Variants in HMGCLL1 observed in about 807,000 individuals in gnomAD.
HMGCLL1 encodes 3-hydroxymethyl-3-methylglutaryl-CoA lyase, cytoplasmic.
HMGCLL1 carries 36 observed loss-of-function variants against 39.1 expected under a neutral mutation model. The ratio of observed to expected loss-of-function variants is 0.92; its 90% CI spans 0.71 to 1.22. The LOEUF is 1.22. Ranked by LOEUF, HMGCLL1 falls within the 50% of genes most tolerant of loss-of-function variation. The pLI, the probability that HMGCLL1 is intolerant of heterozygous loss-of-function variation, is 0.00. For missense variants in HMGCLL1, 451 were observed against 416.5 expected (o/e 1.08, Z -0.72); for synonymous variants, 149 against 144.0 (o/e 1.03, Z -0.25).
intron 3 of HMGCLL1, among the ~76,000 whole-genome samples, chr6:55,526,587 C>A (rs866661858): frequency 3.3e-5 from 5 of 151,950 alleles, no homozygotes; most frequent in Non-Finnish European, 5.9e-5. Context: ...TTCGAATTCA[C>A]TTTGAATTCA....
the HMGCLL1 span, among the ~76,000 whole-genome samples, chr6:55,660,789 A>G: frequency 0.044 from 6,708 of 151,978 alleles, 182 homozygotes; most frequent in Non-Finnish European, 0.055. Flanking sequence ...TCTTTGAGGA[A>G]TTGCCACATC....
intron 7 of HMGCLL1, among the ~76,000 whole-genome samples, chr6:55,486,369 G>A (rs1766028704): frequency 6.6e-6 from 1 of 151,930 alleles, no homozygotes; most frequent in African/African-American, 2.4e-5. Context: ...TTGGCAGGCA[G>A]GCCTTCCAGA....
chr6:55,671,876 A>G, the HMGCLL1 span, among the ~76,000 whole-genome samples: 19,447 of 151,806 alleles, frequency 0.13, 1,375 homozygotes, highest in East Asian at 0.23. Flanking sequence ...ATATTACACA[A>G]TATAATTTTT....
the HMGCLL1 span, among the ~76,000 whole-genome samples, chr6:55,599,900 C>T: frequency 2.2e-4 from 34 of 152,192 alleles, no homozygotes; most frequent in African/African-American, 7.9e-4. Flanking sequence ...TCTTCAAAGC[C>T]GAAGCTAAGC....
intron 7 of HMGCLL1, among the ~76,000 whole-genome samples, chr6:55,466,646 T>G (rs1764809403): frequency 6.6e-6 from 1 of 152,092 alleles, no homozygotes; most frequent in African/African-American, 2.4e-5. Flanking sequence ...GAGGTCCTAC[T>G]ACCTCTTAAA....
the HMGCLL1 span, among the ~76,000 whole-genome samples, chr6:55,653,136 C>A: frequency 1.3e-5 from 2 of 151,956 alleles, no homozygotes; most frequent in Non-Finnish European, 2.9e-5. Context: ...CTTTTCATTG[C>A]CATATTAAAG....
At chr6:55,545,173 T>C (rs9396106) in intron 1 of HMGCLL1, among the ~76,000 whole-genome samples, 17,794 of 145,324 alleles carry the variant, frequency 0.12, 1,277 homozygotes, top group East Asian at 0.23. Flanking sequence ...GGCACATACA[T>C]GGCAGAAGAG....
intron 7 of HMGCLL1, among the ~76,000 whole-genome samples, chr6:55,454,977 G>T (rs1362844251): frequency 6.7e-6 from 1 of 148,902 alleles, no homozygotes; most frequent in Non-Finnish European, 1.5e-5. Context: ...AGGCACAGTG[G>T]CTCAGGTCTG....
intron 3 of HMGCLL1, among the ~76,000 whole-genome samples, chr6:55,531,071 A>C (rs1175464363): frequency 6.6e-6 from 1 of 152,188 alleles, no homozygotes; most frequent in African/African-American, 2.4e-5. Context: ...TTAATGCTTT[A>C]ATGTTTAAAC....
chr6:55,596,273 G>A, the HMGCLL1 span, among the ~76,000 whole-genome samples: 3 of 152,180 alleles, frequency 2.0e-5, no homozygotes, highest in African/African-American at 7.2e-5. Flanking sequence ...GTTACAGAAA[G>A]CTGACATCAC....
chr6:55,634,712 A>C, the HMGCLL1 span, among the ~76,000 whole-genome samples: 4 of 152,128 alleles, frequency 2.6e-5, no homozygotes, highest in African/African-American at 9.7e-5. Flanking sequence ...CACTGAGTAA[A>C]TTATTCACCC....
the HMGCLL1 span, among the ~76,000 whole-genome samples, chr6:55,663,282 T>C: frequency 6.7e-6 from 1 of 150,178 alleles, no homozygotes; most frequent in Non-Finnish European, 1.5e-5. Flanking sequence ...TGTTAGGTTG[T>C]TGATTTGAGA....
the HMGCLL1 span, among the ~76,000 whole-genome samples, chr6:55,642,268 A>G: frequency 6.6e-6 from 1 of 150,742 alleles, no homozygotes; most frequent in Non-Finnish European, 1.5e-5. Context: ...ATAGTATTCC[A>G]TGGTGTATAT....
At chr6:55,646,665 G>A in the HMGCLL1 span, among the ~76,000 whole-genome samples, 2,936 of 151,932 alleles carry the variant, frequency 0.019, 49 homozygotes, top group African/African-American at 0.05. Context: ...GGTCATTGAG[G>A]ATTATATTGT....
chr6:55,586,208 T>G, the HMGCLL1 span, among the ~76,000 whole-genome samples: 1 of 151,984 alleles, frequency 6.6e-6, no homozygotes, highest in Admixed American at 6.6e-5. Flanking sequence ...TTTAGAATCA[T>G]AGAAGTAAAG....
chr6:55,487,810 C>A (rs1349052668), intron 7 of HMGCLL1, among the ~76,000 whole-genome samples: 1 of 151,910 alleles, frequency 6.6e-6, no homozygotes, highest in African/African-American at 2.4e-5. Flanking sequence ...CAGTAGCTGT[C>A]CACTGTTTTC....
chr6:55,445,905 A>G (rs1264959477), intron 7 of HMGCLL1, among the ~76,000 whole-genome samples: 1 of 152,084 alleles, frequency 6.6e-6, no homozygotes, highest in African/African-American at 2.4e-5. Flanking sequence ...AAAACTGTAA[A>G]TAGTAAATAG....
chr6:55,633,117 A>G, the HMGCLL1 span, among the ~76,000 whole-genome samples: 37 of 152,210 alleles, frequency 2.4e-4, no homozygotes, highest in East Asian at 6.6e-3. Flanking sequence ...GTGCTGGCCA[A>G]TTCACTCACT....
chr6:55,677,931 T>C, the HMGCLL1 span, among the ~76,000 whole-genome samples: 2 of 152,208 alleles, frequency 1.3e-5, no homozygotes, highest in African/African-American at 4.8e-5. Flanking sequence ...AACTTACTAT[T>C]AGTGTCTGAC....
Sources: allele counts gnomAD v4.1 joint callset (sites outside exome capture counted in the v4.1 genomes callset), GRCh38; gene constraint gnomAD v4.1.1; transcripts MANE v1.5; gene names NCBI Gene and HGNC (gene_info 2026-07-23, HGNC 2026-07-21).